Variants in SNRK observed in about 807,000 individuals in gnomAD.
The protein encoded by SNRK is SNF-related serine/threonine-protein kinase.
Under a neutral mutation model 48.2 loss-of-function variants are expected in SNRK, and 3 were observed. The observed-to-expected ratio is 0.06, with a 90% CI of 0.03 to 0.16. The LOEUF (loss-of-function observed/expected upper bound fraction) is 0.16, where lower values mean the gene tolerates loss of function less well. Ranked by LOEUF, SNRK falls within the 10% of genes least tolerant of loss-of-function variation. The pLI is 1.00. For synonymous variants in SNRK, 376 were observed against 366.1 expected (o/e 1.03, Z -0.31); for missense variants, 627 against 976.0 (o/e 0.64, Z 4.76).
intron 2 of SNRK, among the ~76,000 whole-genome samples, chr3:43,300,383 T>C (rs2090889829): frequency 6.6e-6 from 1 of 152,190 alleles, no homozygotes; most frequent in Non-Finnish European, 1.5e-5. Context: ...ATCAGATTCA[T>C]TTATAAAATC....
chr3:43,349,234 T>G lies in SNRK; in HGVS notation c.*677T>G, dbSNP rs191750717. The G allele has an allele frequency of 7.5e-4, 114 of 152,762 alleles. No individual in the cohort carries two copies. Among genetic ancestry groups the G allele is most frequent in the African/African-American group, 2.5e-3 (102 of 41,572 alleles). 9.5% of individuals were successfully genotyped at this position (152,762 alleles called of 1,614,324 possible). A position where few individuals can be genotyped will look rare whatever the true frequency, so the allele number is the denominator to read the frequency against. On this transcript the variant is annotated 3_prime_UTR_variant, in exon 7 of 7. Transcript: ENST00000296088. ...AATAGGTGAGATAAAGTACTTAGAT[T>G]TATAAGGCAGCTTCCCCTGTAGTGA...
rs375201000 is a variant in SNRK, at chr3:43,348,464, G to A, written c.2205G>A (p.Leu735=). 54 of 1,608,844 alleles carry A rather than the reference G, an allele frequency of 3.4e-5. No individual in the cohort carries two copies. The highest frequency in any genetic ancestry group is 4.3e-5 in the Non-Finnish European group (51 of 1,177,772). The change falls in exon 7 of 7, where the codon CTG becomes CTA. Residue 735 remains leucine (L), a synonymous_variant. Coordinates refer to ENST00000296088, the MANE Select transcript of SNRK (RefSeq NM_017719.5). Reference sequence around the variant, plus strand: ...AAAATAACGTGCTGCAGCTACCTCTGTGCGAAAAGACCATCTCTGTGAACA... The same window carrying A: ...AAAATAACGTGCTGCAGCTACCTCTATGCGAAAAGACCATCTCTGTGAACA... ...NLKNNVLQLP[L]CEKTISVNIQ...
intron 3 of SNRK, among the ~76,000 whole-genome samples, chr3:43,309,998 T>C (rs1263104775): frequency 3.3e-5 from 5 of 152,108 alleles, no homozygotes; most frequent in Non-Finnish European, 7.4e-5. Context: ...TAGACTACGG[T>C]ATAGTATAAA....
At chr3:43,339,218 T>A (rs1375690385) in intron 4 of SNRK, among the ~76,000 whole-genome samples, 1 of 152,202 alleles carries the variant, frequency 6.6e-6, no homozygotes, top group African/African-American at 2.4e-5. Context: ...AACACAGACT[T>A]GTGTGAGGAC....
At chr3:43,295,493 G>T (rs2090845802) in intron 1 of SNRK, among the ~76,000 whole-genome samples, 2 of 152,196 alleles carry the variant, frequency 1.3e-5, no homozygotes, top group Admixed American at 1.3e-4. Context: ...CAAATTGCTG[G>T]AAAGAACATT....
chr3:43,297,943 G>C (rs920872530), intron 1 of SNRK, among the ~76,000 whole-genome samples: 10 of 152,092 alleles, frequency 6.6e-5, no homozygotes, highest in African/African-American at 2.4e-4. Context: ...AAGCAAAAGA[G>C]AGATAATAGT....
At chr3:43,326,319 C>T (rs996918805) in intron 3 of SNRK, among the ~76,000 whole-genome samples, 3 of 151,972 alleles carry the variant, frequency 2.0e-5, no homozygotes, top group Non-Finnish European at 2.9e-5. Flanking sequence ...CACCACCTTC[C>T]TCTGTACCCT....
intron 3 of SNRK, among the ~76,000 whole-genome samples, chr3:43,312,090 G>T (rs2090982792): frequency 6.6e-6 from 1 of 152,142 alleles, no homozygotes; most frequent in African/African-American, 2.4e-5. Context: ...CTTCTAGGAT[G>T]TTACAGATCT....
At chr3:43,335,843 T>G (rs1249652017) in intron 4 of SNRK, among the ~76,000 whole-genome samples, 1 of 152,244 alleles carries the variant, frequency 6.6e-6, no homozygotes, top group Non-Finnish European at 1.5e-5. Context: ...TGCCTTAAAG[T>G]CAGTCTGTGT....
At chr3:43,295,480 G>C (rs1038318319) in intron 1 of SNRK, among the ~76,000 whole-genome samples, 1 of 152,224 alleles carries the variant, frequency 6.6e-6, no homozygotes, top group African/African-American at 2.4e-5. Flanking sequence ...AGACTCAGGA[G>C]TACAAATTGC....
At chr3:43,342,630 C>A (rs1057120054) in intron 5 of SNRK, among the ~76,000 whole-genome samples, 2 of 152,292 alleles carry the variant, frequency 1.3e-5, no homozygotes, top group East Asian at 1.9e-4. Context: ...TTGTGGAATC[C>A]GCCAAAGCCA....
At position 43,299,759 on chromosome 3, in the gene SNRK, A is replaced by G. The variant is rs1410126434; in HGVS notation, c.-163A>G. On this transcript the variant is annotated 5_prime_UTR_variant, in exon 2 of 7. Transcript: ENST00000296088. ...TTTTCTTTATTTTCTTTTAGGAAAAAGAAGCAACTAACAAAACACTGTGAT... is the reference window on the plus strand; with the variant it reads ...TTTTCTTTATTTTCTTTTAGGAAAAGGAAGCAACTAACAAAACACTGTGAT... The G allele has an allele frequency of 6.5e-6, 1 of 152,772 alleles. No individual in the cohort carries two copies. The highest frequency in any genetic ancestry group is 1.9e-4 in the East Asian group (1 of 5,186). 9.5% of individuals were successfully genotyped at this position (152,772 alleles called of 1,614,324 possible). A position where few individuals can be genotyped will look rare whatever the true frequency, so the allele number is the denominator to read the frequency against.
At chr3:43,307,191 A>G (rs928904135) in intron 3 of SNRK, among the ~76,000 whole-genome samples, 7 of 152,208 alleles carry the variant, frequency 4.6e-5, no homozygotes, top group African/African-American at 1.2e-4. Flanking sequence ...TTGTCAAGCT[A>G]TAATTGACAA....
chr3:43,302,332 A>G (rs1398976807), intron 2 of SNRK, among the ~76,000 whole-genome samples: 3 of 152,240 alleles, frequency 2.0e-5, no homozygotes, highest in Non-Finnish European at 4.4e-5. Flanking sequence ...GTAGTGATGC[A>G]AGAGCAAACA....
rs993541957 is a variant in SNRK at position 43,342,261 on chromosome 3, C to G, written c.945-1083C>G. Among the ~76,000 whole-genome samples, 11 of 152,300 alleles carry G rather than the reference C, an allele frequency of 7.2e-5. No individual in the cohort carries two copies. In the East Asian group the frequency reaches 2.1e-3, roughly 29 times the overall value. On this transcript the variant is annotated intron_variant, in intron 5 of 6. Coordinates refer to ENST00000296088, the MANE Select transcript of SNRK (RefSeq NM_017719.5). ...TCCCGATAGCTGGGTGAGCGTCTTG[C>G]TGTCCTCTCAGCTAGCCTCACTCCG...
intron 5 of SNRK, among the ~76,000 whole-genome samples, chr3:43,341,275 C>T (rs1426823004): frequency 2.0e-5 from 3 of 152,112 alleles, no homozygotes; most frequent in Non-Finnish European, 4.4e-5. Flanking sequence ...CTCAGCCTCC[C>T]AAGTAGCTGG....
intron 3 of SNRK, among the ~76,000 whole-genome samples, chr3:43,314,507 A>AAG (rs2091001088): frequency 6.6e-6 from 1 of 152,190 alleles, no homozygotes; most frequent in African/African-American, 2.4e-5. Flanking sequence ...AGTTGTACTT[A>AAG]AGACTGTCAT....
chr3:43,330,926 A>T (rs1333829032), intron 3 of SNRK, among the ~76,000 whole-genome samples: 1 of 152,218 alleles, frequency 6.6e-6, no homozygotes, highest in Non-Finnish European at 1.5e-5. Context: ...TATTGTACGT[A>T]TTAAAAAATC....
At chr3:43,300,376 A>C (rs2090889762) in intron 2 of SNRK, among the ~76,000 whole-genome samples, 1 of 152,188 alleles carries the variant, frequency 6.6e-6, no homozygotes, top group Admixed American at 6.5e-5. Flanking sequence ...TTCAAAAATC[A>C]GATTCATTTA....
Sources: allele counts gnomAD v4.1 joint callset (sites outside exome capture counted in the v4.1 genomes callset), GRCh38; gene constraint gnomAD v4.1.1; transcripts MANE v1.5; gene names NCBI Gene and HGNC (gene_info 2026-07-23, HGNC 2026-07-21).